LANCL3: variants seen among roughly 807,000 people sequenced by gnomAD.
LANCL3 encodes the protein LanC like family member 3, also known as lanC-like protein 3.
In LANCL3, 19 loss-of-function variants were observed where a neutral mutation model predicts 26.5. That is an observed-to-expected ratio of 0.72 (90% CI 0.50 to 1.05). LANCL3 has a LOEUF of 1.05. Ranked by LOEUF, LANCL3 falls within the 50% of genes least tolerant of loss-of-function variation. The pLI, the probability that LANCL3 is intolerant of heterozygous loss-of-function variation, is 0.00. For missense variants in LANCL3, 318 were observed against 362.7 expected (o/e 0.88, Z 1.00); for synonymous variants, 160 against 166.6 (o/e 0.96, Z 0.30).
intron 1 of LANCL3, among the ~76,000 whole-genome samples, chrX:37,654,691 C>T (rs1185764114): frequency 1.8e-5 from 2 of 111,597 alleles, no homozygotes; most frequent in East Asian, 5.6e-4. Flanking sequence ...AATTTCATAC[C>T]AGTTAAACTG....
At chrX:37,660,451 A>G (rs1337739253) in intron 3 of LANCL3, among the ~76,000 whole-genome samples, 2 of 112,164 alleles carry the variant, frequency 1.8e-5, no homozygotes, top group African/African-American at 6.5e-5. Flanking sequence ...GAGGCTAGAA[A>G]TTTAGCAAAC....
Position 37,572,224 on chromosome X carries a change from C to T in LANCL3, c.354C>T (p.Ala118=), listed in dbSNP as rs1405060251. ...GCGAACCGGACGCCGACACCCGCGCCGCCTTCCTGCTCGGGGGCGCGGGCG... is the reference window on the plus strand; with the variant it reads ...GCGAACCGGACGCCGACACCCGCGCTGCCTTCCTGCTCGGGGGCGCGGGCG... ...EWGEPDADTR[A]AFLLGGAGVY... is the part of the protein sequence containing the mutation. Residue 118 remains alanine (A), a synonymous_variant, in exon 1 of 5, where the codon GCC becomes GCT. Transcript: ENST00000378619. 2.6e-6 allele frequency: 3 copies of T among 1,151,056 alleles called. No homozygotes were observed. In the African/African-American group the frequency reaches 5.4e-5, roughly 21 times the overall value. 94.9% of individuals were successfully genotyped at this position (1,151,056 alleles called of 1,213,427 possible). A position where few individuals can be genotyped will look rare whatever the true frequency, so the allele number is the denominator to read the frequency against.
At chrX:37,632,276 C>T (rs1456666699) in intron 1 of LANCL3, among the ~76,000 whole-genome samples, 5 of 111,227 alleles carry the variant, frequency 4.5e-5, no homozygotes, top group African/African-American at 1.6e-4. Flanking sequence ...GGATTGCAAC[C>T]CCTGCCTTTT....
intron 1 of LANCL3, among the ~76,000 whole-genome samples, chrX:37,654,622 G>A (rs1238666503): frequency 5.4e-5 from 6 of 111,790 alleles, no homozygotes; most frequent in Non-Finnish European, 9.4e-5. Flanking sequence ...CAATCGTGGA[G>A]CGGAGGGAAA....
intron 3 of LANCL3, among the ~76,000 whole-genome samples, chrX:37,667,048 T>C (rs782120112): frequency 1.8e-5 from 2 of 112,065 alleles, no homozygotes; most frequent in East Asian, 5.6e-4. Context: ...AAAATCTCAC[T>C]GGGAAAATAA....
rs1602141681 is a variant in LANCL3, at chrX:37,682,908, A to G, written c.*7095A>G. The G allele has an allele frequency of 8.9e-6, 1 of 111,982 alleles. No individual in the cohort carries two copies. The highest frequency in any genetic ancestry group is 2.8e-4 in the East Asian group (1 of 3,597). The allele number at this position is 111,982 out of a possible 1,213,427, so 9.2% of individuals were successfully genotyped here. ...TCTTTGAAAAGGTACAGCTTTCTCA[A>G]CTTTGAACATCTGGGGGAACTCTTC... On this transcript the variant is annotated 3_prime_UTR_variant, in exon 5 of 5. Transcript: ENST00000378619.
At chrX:37,611,692 G>A (rs1924876837) in intron 1 of LANCL3, among the ~76,000 whole-genome samples, 1 of 111,861 alleles carries the variant, frequency 8.9e-6, no homozygotes, top group African/African-American at 3.2e-5. Flanking sequence ...AACATACTGA[G>A]GAGCTTCAGA....
chrX:37,659,937 A>G (rs1556432257), intron 3 of LANCL3, among the ~76,000 whole-genome samples: 1 of 111,706 alleles, frequency 9.0e-6, no homozygotes. Flanking sequence ...TGTAATTTTC[A>G]TTTTTAGTAA....
chrX:37,649,259 G>A (rs1248111016), intron 1 of LANCL3, among the ~76,000 whole-genome samples: 1 of 112,071 alleles, frequency 8.9e-6, no homozygotes, highest in Non-Finnish European at 1.9e-5. Context: ...ATATACCACG[G>A]AATATTATGC....
At chrX:37,572,746 T>C (rs1923640076) in intron 1 of LANCL3, among the ~76,000 whole-genome samples, 2 of 112,304 alleles carry the variant, frequency 1.8e-5, no homozygotes, top group South Asian at 7.5e-4. Context: ...CCCTTTCAAG[T>C]AAGATGAAAA....
intron 1 of LANCL3, among the ~76,000 whole-genome samples, chrX:37,581,609 C>G (rs1356128125): frequency 9.0e-6 from 1 of 111,611 alleles, no homozygotes; most frequent in Admixed American, 9.5e-5. Flanking sequence ...TGCTTCTCCT[C>G]CAACTCTAAA....
chrX:37,572,508 C>G, intron 1 of LANCL3, 65 bp downstream of exon 1: 7 of 989,680 alleles, frequency 7.1e-6, no homozygotes, highest in Non-Finnish European at 8.4e-6. Flanking sequence ...CCCCGGACTC[C>G]GTGGCTCGGG....
intron 1 of LANCL3, among the ~76,000 whole-genome samples, chrX:37,607,984 G>A (rs1241336366): frequency 3.6e-5 from 4 of 111,980 alleles, no homozygotes; most frequent in Non-Finnish European, 7.5e-5. Context: ...GACAAGACTG[G>A]GTTAGCCATT....
intron 1 of LANCL3, among the ~76,000 whole-genome samples, chrX:37,621,933 C>T (rs1200832947): frequency 4.5e-5 from 5 of 111,551 alleles, no homozygotes; most frequent in African/African-American, 6.5e-5. Flanking sequence ...CCTGGTGCCG[C>T]GTGAGGATAG....
At chrX:37,667,510 CT>C (rs146169882) in intron 4 of LANCL3, 21 bp downstream of exon 4, 4,737 of 797,956 alleles carry the variant, frequency 5.9e-3, no homozygotes, top group South Asian at 8.6e-3. Context: ...CTTTATGGGT[CT>C]TTTTTTTTTT....
chrX:37,612,185 G>A (rs1334073049), intron 1 of LANCL3, among the ~76,000 whole-genome samples: 4 of 111,422 alleles, frequency 3.6e-5, no homozygotes, highest in African/African-American at 1.3e-4. Context: ...CAGGTGATCC[G>A]CCCACCTTGG....
chrX:37,613,395 A>C (rs1378765193), intron 1 of LANCL3, among the ~76,000 whole-genome samples: 1 of 111,120 alleles, frequency 9.0e-6, no homozygotes, highest in South Asian at 3.8e-4. Flanking sequence ...TTTCTTTTTA[A>C]ATTTTTTATT....
At position 37,655,778 on chromosome X, in the gene LANCL3, CT is replaced by C. The variant is rs1926269591; in HGVS notation, c.665del (p.Leu222ArgfsTer112). 1.7e-6 allele frequency: 2 copies of C among 1,205,387 alleles called. No homozygotes were observed. Among genetic ancestry groups the C allele is most frequent in the Admixed American group, 2.2e-5 (1 of 45,501 alleles). On this transcript the variant is annotated frameshift_variant, in exon 2 of 5. Coordinates refer to ENST00000378619, the MANE Select transcript of LANCL3 (RefSeq NM_001170331.2). LOFTEE classifies it high-confidence loss of function. ...CATAAAGAAGAGGAAACCATTCCCCCTGATGTATTCTTACTATGGAACCGAA... is the reference window on the plus strand; with the variant it reads ...CATAAAGAAGAGGAAACCATTCCCCCGATGTATTCTTACTATGGAACCGAA... ...YAIKKRKPFP[L>X]MYSYYGTEYL...
At chrX:37,576,943 T>G (rs1265277962) in intron 1 of LANCL3, among the ~76,000 whole-genome samples, 1 of 112,405 alleles carries the variant, frequency 8.9e-6, no homozygotes, top group Non-Finnish European at 1.9e-5. Flanking sequence ...CTAGCATGGC[T>G]GGAGCAGAGA....
Sources: allele counts gnomAD v4.1 joint callset (sites outside exome capture counted in the v4.1 genomes callset), GRCh38; gene constraint gnomAD v4.1.1; transcripts MANE v1.5; gene names NCBI Gene and HGNC (gene_info 2026-07-23, HGNC 2026-07-21).